The following WDR59 variants were observed in gnomAD, a reference collection of about 807,000 sequenced individuals.
The protein encoded by WDR59 is GATOR2 complex protein WDR59.
Under a neutral mutation model 131.2 loss-of-function variants are expected in WDR59, and 100 were observed. That is an observed-to-expected ratio of 0.76 (90% CI 0.65 to 0.90). The LOEUF (loss-of-function observed/expected upper bound fraction) is 0.90. Among genes scored for constraint, WDR59 ranks in the 40% least tolerant of loss-of-function variants. The pLI is 0.00. For synonymous variants in WDR59, 601 were observed against 466.2 expected (o/e 1.29, Z -3.72); for missense variants, 1,203 against 1,262.2 (o/e 0.95, Z 0.71).
At chr16:74,984,754 C>T (rs1025322872) in intron 1 of WDR59, 3 of 630,006 alleles carry the variant, frequency 4.8e-6, no homozygotes, top group Non-Finnish European at 5.5e-6. Flanking sequence ...GCGTAGGGAG[C>T]CCCGAAACTC....
At chr16:74,977,861 T>C (rs1355585993) in intron 1 of WDR59, among the ~76,000 whole-genome samples, 2 of 152,072 alleles carry the variant, frequency 1.3e-5, no homozygotes, top group Non-Finnish European at 2.9e-5. Context: ...GAAGAAGGAA[T>C]GCACTAACAG....
intron 1 of WDR59, among the ~76,000 whole-genome samples, chr16:74,969,232 AAAATTTAAACT>A (rs2033886509): frequency 6.6e-6 from 1 of 152,220 alleles, no homozygotes; most frequent in Non-Finnish European, 1.5e-5. Context: ...CTTACAGACT[AAAATTTAAACT>A]GGCTACTTAT....
rs541381009 is a variant in WDR59 at position 74,948,590 on chromosome 16, T to C, written c.408-34A>G. The C allele has an allele frequency of 4.5e-6, 7 of 1,549,794 alleles. No homozygotes were observed. In the East Asian group the frequency reaches 1.3e-4, roughly 30 times the overall value. ...TAAAAATAAAAAATCAAATCCCCAA[T>C]TTATATGCCACCACCCACCTGGTAT... On this transcript the variant is annotated intron_variant, in intron 5 of 25. Transcript: ENST00000262144.
chr16:74,947,869 A>G (rs1453006494), intron 6 of WDR59, among the ~76,000 whole-genome samples: 3 of 152,122 alleles, frequency 2.0e-5, no homozygotes, highest in East Asian at 3.9e-4. Context: ...TTAGGAGTTC[A>G]AGACCAGCCT....
At chr16:74,917,457 A>C (rs1221406595) in intron 11 of WDR59, among the ~76,000 whole-genome samples, 3 of 152,064 alleles carry the variant, frequency 2.0e-5, no homozygotes, top group Non-Finnish European at 1.5e-5. Flanking sequence ...GTTCTTAAAG[A>C]CCTCAAAGCC....
chr16:74,897,878 C>G (rs913992176), intron 18 of WDR59, among the ~76,000 whole-genome samples: 8 of 152,316 alleles, frequency 5.3e-5, no homozygotes, highest in African/African-American at 1.7e-4. Flanking sequence ...TCAGGGGTCA[C>G]TTGGTAATCC....
At chr16:74,975,698 T>C (rs375816566) in intron 1 of WDR59, among the ~76,000 whole-genome samples, 106 of 147,680 alleles carry the variant, frequency 7.2e-4, no homozygotes, top group African/African-American at 2.6e-3. Flanking sequence ...GAAAAAAAAA[T>C]TTAAAAAAGA....
intron 18 of WDR59, among the ~76,000 whole-genome samples, chr16:74,902,153 T>G (rs1335036204): frequency 5.3e-5 from 8 of 152,208 alleles, no homozygotes. Context: ...TGTGAACTTT[T>G]GTGTATTTGG....
chr16:74,966,440 A>G (rs1182076270), intron 1 of WDR59, among the ~76,000 whole-genome samples: 1 of 152,110 alleles, frequency 6.6e-6, no homozygotes, highest in Non-Finnish European at 1.5e-5. Flanking sequence ...AGATTGAGCC[A>G]CTGCACTCCA....
chr16:74,982,136 T>C (rs1227685246), intron 1 of WDR59, among the ~76,000 whole-genome samples: 3 of 149,782 alleles, frequency 2.0e-5, no homozygotes, highest in Non-Finnish European at 4.4e-5. Flanking sequence ...ATATTTTAAT[T>C]AAAAATTTTT....
At chr16:74,925,077 A>G (rs1036757531) in intron 8 of WDR59, among the ~76,000 whole-genome samples, 3 of 152,240 alleles carry the variant, frequency 2.0e-5, no homozygotes, top group Admixed American at 6.5e-5. Context: ...CCAAAAACCA[A>G]AAATGGTCCA....
At chr16:74,965,663 C>T (rs1259385006) in intron 2 of WDR59, 110 bp downstream of exon 2, 3 of 1,344,938 alleles carry the variant, frequency 2.2e-6, no homozygotes, top group Non-Finnish European at 3.2e-6. Flanking sequence ...CAGAACTAAA[C>T]CCTATGATCA....
chr16:74,908,905 C>T lies in WDR59; in HGVS notation c.1712+3G>A. The stretch of plus-strand genomic sequence containing the variant: ...GAGCGGCTTCTGCATCTCCCTGACT[C>T]ACCTCGGAGTAGGCTCTGTGGGAGA... On this transcript the variant is annotated splice_donor_region_variant and intron_variant, in intron 17 of 25. Transcript: ENST00000262144. The T allele has an allele frequency of 6.2e-7, 1 of 1,613,868 alleles. No individual in the cohort carries two copies. Among genetic ancestry groups the T allele is most frequent in the Middle Eastern group, 1.6e-4 (1 of 6,062 alleles).
At chr16:74,982,079 A>C (rs1409020269) in intron 1 of WDR59, among the ~76,000 whole-genome samples, 1 of 146,886 alleles carries the variant, frequency 6.8e-6, no homozygotes, top group Non-Finnish European at 1.5e-5. Context: ...AGATACAGAG[A>C]CTCCTATCCC....
chr16:74,888,683 A>C (rs1284109324), intron 21 of WDR59, among the ~76,000 whole-genome samples: 2 of 152,180 alleles, frequency 1.3e-5, no homozygotes, highest in African/African-American at 4.8e-5. Flanking sequence ...AGCTCCAAGG[A>C]AGAATCACAC....
At chr16:74,974,648 G>A (rs538172516) in intron 1 of WDR59, among the ~76,000 whole-genome samples, 1 of 152,176 alleles carries the variant, frequency 6.6e-6, no homozygotes, top group Non-Finnish European at 1.5e-5. Context: ...TGCCTCAACT[G>A]TATGTACAAA....
chr16:74,927,230 C>T (rs117730444), intron 8 of WDR59, among the ~76,000 whole-genome samples: 1,723 of 152,302 alleles, frequency 0.011, 17 homozygotes, highest in Non-Finnish European at 0.015. Flanking sequence ...AATGGCATCT[C>T]TGTTTTGATT....
intron 23 of WDR59, among the ~76,000 whole-genome samples, chr16:74,886,686 C>G (rs900038079): frequency 3.3e-5 from 5 of 152,062 alleles, no homozygotes; most frequent in Non-Finnish European, 5.9e-5. Flanking sequence ...TTTGGAGGCC[C>G]AGGCAGGCAG....
intron 3 of WDR59, among the ~76,000 whole-genome samples, chr16:74,954,333 A>T (rs1349939295): frequency 6.6e-6 from 1 of 151,760 alleles, no homozygotes; most frequent in Admixed American, 6.6e-5. Context: ...GCTTGAACCC[A>T]GGAGGTGGAG....
Sources: allele counts gnomAD v4.1 joint callset (sites outside exome capture counted in the v4.1 genomes callset), GRCh38; gene constraint gnomAD v4.1.1; transcripts MANE v1.5; gene names NCBI Gene and HGNC (gene_info 2026-07-23, HGNC 2026-07-21).